The following CNTNAP5 variants were observed in gnomAD, a reference collection of about 807,000 sequenced individuals.
CNTNAP5 encodes contactin associated protein family member 5.
CNTNAP5 carries 72 observed loss-of-function variants against 150.2 expected under a neutral mutation model. That is an observed-to-expected ratio of 0.48 (90% CI 0.40 to 0.58). The LOEUF (loss-of-function observed/expected upper bound fraction) is 0.58, where lower values mean the gene tolerates loss of function less well. Among genes scored for constraint, CNTNAP5 ranks in the 20% least tolerant of loss-of-function variants. The pLI is 0.00. For synonymous variants in CNTNAP5, 672 were observed against 619.8 expected (o/e 1.08, Z -1.25); for missense variants, 1,636 against 1,626.2 (o/e 1.01, Z -0.10).
chr2:124,300,007 A>C (rs557333768), intron 3 of CNTNAP5, among the ~76,000 whole-genome samples: 1 of 152,350 alleles, frequency 6.6e-6, no homozygotes, highest in East Asian at 1.9e-4. Flanking sequence ...ATGGCTAGGA[A>C]GTTTAGGAGA....
At chr2:124,174,955 C>T (rs1045826623) in intron 1 of CNTNAP5, among the ~76,000 whole-genome samples, 1 of 152,154 alleles carries the variant, frequency 6.6e-6, no homozygotes, top group Non-Finnish European at 1.5e-5. Flanking sequence ...CCAGCAAAAA[C>T]GTTATGACTT....
intron 1 of CNTNAP5, among the ~76,000 whole-genome samples, chr2:124,048,206 A>C (rs1020321970): frequency 5.3e-5 from 8 of 152,186 alleles, no homozygotes; most frequent in Admixed American, 3.9e-4. Context: ...TTAAACTGGC[A>C]GCATGGTGTC....
intron 2 of CNTNAP5, among the ~76,000 whole-genome samples, chr2:124,234,594 C>T (rs1686701718): frequency 6.6e-6 from 1 of 152,090 alleles, no homozygotes. Context: ...CATGAATCAG[C>T]CCTTGGTCTG....
At chr2:124,259,183 G>A (rs182338926) in intron 3 of CNTNAP5, among the ~76,000 whole-genome samples, 1 of 152,202 alleles carries the variant, frequency 6.6e-6, no homozygotes, top group East Asian at 1.9e-4. Context: ...CAAAGGACAT[G>A]AACTCATCCT....
intron 1 of CNTNAP5, among the ~76,000 whole-genome samples, chr2:124,154,512 TG>T (rs1684479451): frequency 6.6e-6 from 1 of 152,146 alleles, no homozygotes; most frequent in Admixed American, 6.5e-5. Flanking sequence ...ACATTGTTCT[TG>T]GGTAGAGGGA....
At chr2:124,485,449 T>G (rs988967052) in intron 7 of CNTNAP5, among the ~76,000 whole-genome samples, 2 of 151,348 alleles carry the variant, frequency 1.3e-5, no homozygotes, top group African/African-American at 4.9e-5. Flanking sequence ...CCGTATCTAC[T>G]AAAAATACAA....
intron 1 of CNTNAP5, among the ~76,000 whole-genome samples, chr2:124,111,578 T>A (rs529540069): frequency 2.9e-4 from 44 of 152,218 alleles, no homozygotes; most frequent in Non-Finnish European, 5.1e-4. Context: ...ATCACTGATG[T>A]CAGTAACTAA....
intron 3 of CNTNAP5, among the ~76,000 whole-genome samples, chr2:124,298,500 T>G (rs1489678000): frequency 6.6e-6 from 1 of 152,212 alleles, no homozygotes; most frequent in Non-Finnish European, 1.5e-5. Context: ...TCATAAGTGA[T>G]TAACTTCCTC....
At chr2:124,232,367 G>A (rs919707331) in intron 2 of CNTNAP5, among the ~76,000 whole-genome samples, 3 of 152,144 alleles carry the variant, frequency 2.0e-5, no homozygotes, top group African/African-American at 7.2e-5. Context: ...ACTGGGAATA[G>A]TTAGAAGGAG....
At chr2:124,338,995 C>A (rs1573926097) in intron 3 of CNTNAP5, among the ~76,000 whole-genome samples, 1 of 152,100 alleles carries the variant, frequency 6.6e-6, no homozygotes, top group African/African-American at 2.4e-5. Context: ...CATAATCTAT[C>A]TGAGACTTGG....
intron 19 of CNTNAP5, among the ~76,000 whole-genome samples, chr2:124,812,884 C>T (rs948193141): frequency 1.3e-5 from 2 of 152,100 alleles, no homozygotes; most frequent in African/African-American, 2.4e-5. Flanking sequence ...GATCTATGAT[C>T]ACTCATATTT....
chr2:124,331,290 T>C (rs1015505062), intron 3 of CNTNAP5, among the ~76,000 whole-genome samples: 4 of 152,098 alleles, frequency 2.6e-5, no homozygotes, highest in Non-Finnish European at 5.9e-5. Flanking sequence ...TTTGCTTATA[T>C]TTGTAGCCGA....
intron 6 of CNTNAP5, among the ~76,000 whole-genome samples, chr2:124,454,646 A>G (rs370998999): frequency 5.3e-5 from 8 of 152,274 alleles, no homozygotes; most frequent in East Asian, 3.9e-4. Context: ...GTAGGCCACA[A>G]AATGAACCTC....
At chr2:124,707,159 GAA>G (rs1679701545) in intron 13 of CNTNAP5, among the ~76,000 whole-genome samples, 1 of 107,174 alleles carries the variant, frequency 9.3e-6, no homozygotes, top group African/African-American at 3.0e-5. Flanking sequence ...AGAAGAAGAA[GAA>G]GAAGAAGAAG....
chr2:124,610,075 A>G (rs1023401017), intron 12 of CNTNAP5, among the ~76,000 whole-genome samples, 155 bp downstream of exon 12: 4 of 152,224 alleles, frequency 2.6e-5, no homozygotes, highest in Non-Finnish European at 5.9e-5. Context: ...GAGTAATGCA[A>G]ATTTGCAGCT....
chr2:124,145,811 T>TAAAAAAAAAAA (rs761766577), intron 1 of CNTNAP5, among the ~76,000 whole-genome samples: 3 of 12,784 alleles, frequency 2.3e-4, no homozygotes, highest in African/African-American at 4.4e-4. Flanking sequence ...AAAAAAAACA[T>TAAAAAAAAAAA]TAAAAAAAAA....
intron 10 of CNTNAP5, among the ~76,000 whole-genome samples, chr2:124,547,782 A>G (rs886810610): frequency 4.6e-5 from 7 of 152,156 alleles, no homozygotes; most frequent in African/African-American, 1.4e-4. Context: ...GGCCGCCACA[A>G]TTCCTGCCAC....
chr2:124,791,938 A>T (rs1681743461), intron 18 of CNTNAP5, among the ~76,000 whole-genome samples: 1 of 152,074 alleles, frequency 6.6e-6, no homozygotes, highest in African/African-American at 2.4e-5. Flanking sequence ...CTCTATATTT[A>T]GTCCTCGCAA....
chr2:124,904,806 T>C (rs1678496946), intron 22 of CNTNAP5, among the ~76,000 whole-genome samples: 2 of 151,868 alleles, frequency 1.3e-5, no homozygotes, highest in Admixed American at 1.3e-4. Flanking sequence ...CTCCTTAATA[T>C]TGGTCTTGAA....
Sources: allele counts gnomAD v4.1 joint callset (sites outside exome capture counted in the v4.1 genomes callset), GRCh38; gene constraint gnomAD v4.1.1; transcripts MANE v1.5; gene names NCBI Gene and HGNC (gene_info 2026-07-23, HGNC 2026-07-21).